Variants in KCNMB2 observed in about 807,000 individuals in gnomAD.
KCNMB2 encodes the protein potassium calcium-activated channel subfamily M regulatory beta subunit 2, also known as calcium-activated potassium channel subunit beta-2.
In KCNMB2, 9 loss-of-function variants were observed where a neutral mutation model predicts 24.5. That is an observed-to-expected ratio of 0.37 (90% CI 0.22 to 0.64). The LOEUF is 0.64. Ranked by LOEUF, KCNMB2 falls within the 30% of genes least tolerant of loss-of-function variation. The pLI, the probability that KCNMB2 is intolerant of heterozygous loss-of-function variation, is 0.63. For synonymous variants in KCNMB2, 109 were observed against 104.4 expected, an observed-to-expected ratio of 1.04 and a Z score of -0.27; for missense variants, 226 against 284.3, an observed-to-expected ratio of 0.79 and a Z score of 1.47.
intron 1 of KCNMB2, among the ~76,000 whole-genome samples, chr3:178,577,265 G>A (rs977593966): frequency 6.6e-6 from 1 of 152,186 alleles, no homozygotes; most frequent in Non-Finnish European, 1.5e-5. Context: ...CAGTAGACCT[G>A]CAGAAGAGGG....
intron 1 of KCNMB2, among the ~76,000 whole-genome samples, chr3:178,704,179 T>A (rs943760606): frequency 2.0e-5 from 3 of 152,126 alleles, no homozygotes; most frequent in African/African-American, 7.2e-5. Flanking sequence ...AAAATTGACA[T>A]GCCCTATGTT....
chr3:178,656,293 C>A (rs560955145), intron 1 of KCNMB2, among the ~76,000 whole-genome samples: 1 of 152,188 alleles, frequency 6.6e-6, no homozygotes, highest in Non-Finnish European at 1.5e-5. Context: ...CAGGAACAGG[C>A]AAGCTTTCTT....
chr3:178,610,943 G>A (rs1718460158), intron 1 of KCNMB2, among the ~76,000 whole-genome samples: 1 of 152,170 alleles, frequency 6.6e-6, no homozygotes, highest in Non-Finnish European at 1.5e-5. Flanking sequence ...ATCATGAAGT[G>A]ATGTTGAGGT....
chr3:178,759,772 G>A (rs1385077387), intron 1 of KCNMB2, among the ~76,000 whole-genome samples: 1 of 29,826 alleles, frequency 3.4e-5, no homozygotes, highest in East Asian at 8.2e-4. Context: ...ATATATCCAA[G>A]AGGATATATC....
chr3:178,789,389 T>C (rs1022945313), intron 1 of KCNMB2, among the ~76,000 whole-genome samples: 14 of 151,864 alleles, frequency 9.2e-5, no homozygotes, highest in African/African-American at 3.1e-4. Context: ...TTCCAAGCAA[T>C]AGGAACACTA....
rs561013988 is a variant in KCNMB2 at position 178,691,297 on chromosome 3, T to TG, written c.-67-116046_-67-116045insG. Among the ~76,000 whole-genome samples, 9 of 150,960 alleles carry TG rather than the reference T, an allele frequency of 6.0e-5. 1 individual carries two copies. Among genetic ancestry groups the TG allele is most frequent in the African/African-American group, 2.2e-4 (9 of 41,046 alleles). On this transcript the variant is annotated intron_variant, in intron 1 of 4. Coordinates refer to ENST00000452583, the MANE Select transcript of KCNMB2 (RefSeq NM_181361.3). ...AGTTCAGGAGTACATGTGCAGGTTT[T>TG]TTTTTTTTTTAACATAGATAAACTT... is the stretch of plus-strand genomic sequence containing the variant.
chr3:178,622,236 A>G (rs544318081), intron 1 of KCNMB2, among the ~76,000 whole-genome samples: 35 of 152,318 alleles, frequency 2.3e-4, no homozygotes, highest in African/African-American at 8.2e-4. Context: ...GTTTAACACT[A>G]TATCACAGGC....
intron 1 of KCNMB2, among the ~76,000 whole-genome samples, chr3:178,700,141 C>T (rs1722036129): frequency 6.6e-6 from 1 of 152,150 alleles, no homozygotes; most frequent in African/African-American, 2.4e-5. Flanking sequence ...CTCACTTTGC[C>T]TCTTTTAATT....
In KCNMB2 at chr3:178,758,047, T is replaced by C. The variant is rs1428386628; in HGVS notation, c.-67-49296T>C. On this transcript the variant is annotated intron_variant, in intron 1 of 4. Transcript: ENST00000452583. The stretch of plus-strand genomic sequence containing the variant: ...TAGAGGATATATATATATATCTAGA[T>C]ATATATATATATCTCCAAGAGGATA... Among the ~76,000 whole-genome samples the C allele has an allele frequency of 9.7e-5, 2 of 20,598 alleles. 1 individual carries two copies. The highest frequency in any genetic ancestry group is 4.6e-4 in the African/African-American group (2 of 4,316). The allele number at this position is 20,598 out of a possible 152,430, so 13.5% of individuals were successfully genotyped here.
At chr3:178,700,083 G>C (rs34593941) in intron 1 of KCNMB2, among the ~76,000 whole-genome samples, 30,789 of 152,176 alleles carry the variant, frequency 0.2, 3,856 homozygotes, top group African/African-American at 0.36. Flanking sequence ...ATCCAAGCCA[G>C]TATTACCAAG....
intron 1 of KCNMB2, among the ~76,000 whole-genome samples, chr3:178,697,800 G>C (rs1341470308): frequency 6.6e-6 from 1 of 152,076 alleles, no homozygotes. Flanking sequence ...AGGTCTTGTG[G>C]TAACAAATTC....
chr3:178,820,962 G>T (rs1050865971), intron 2 of KCNMB2, among the ~76,000 whole-genome samples: 1 of 152,122 alleles, frequency 6.6e-6, no homozygotes, highest in Non-Finnish European at 1.5e-5. Flanking sequence ...CTTAAATATG[G>T]TGCTTTGCCA....
rs563635974 is a variant in KCNMB2, at chr3:178,655,111, T to C, written c.-68+118400T>C. On this transcript the variant is annotated intron_variant, in intron 1 of 4. Coordinates refer to ENST00000452583, the MANE Select transcript of KCNMB2 (RefSeq NM_181361.3). ...TTAGCTCTCCCTCTCTCTCTCTCTC[T>C]CTCTCTCTCTCTCTCTCTCTCTCTC... Among the ~76,000 whole-genome samples, 1,155 of 147,674 alleles carry C rather than the reference T, an allele frequency of 7.8e-3. 11 individuals are homozygous for C. The highest frequency in any genetic ancestry group is 0.029 in the African/African-American group (1,112 of 38,310).
At chr3:178,813,542 C>T (rs1329312554) in intron 2 of KCNMB2, among the ~76,000 whole-genome samples, 1 of 152,066 alleles carries the variant, frequency 6.6e-6, no homozygotes, top group Admixed American at 6.6e-5. Flanking sequence ...TTTTGATTTC[C>T]CTATTTGTAT....
chr3:178,631,944 A>G (rs1410647063), intron 1 of KCNMB2, among the ~76,000 whole-genome samples: 1 of 152,234 alleles, frequency 6.6e-6, no homozygotes, highest in Admixed American at 6.5e-5. Flanking sequence ...GCCTTACTAG[A>G]AAATATTTTC....
chr3:178,567,200 T>C (rs1716557735), intron 1 of KCNMB2, among the ~76,000 whole-genome samples: 1 of 152,152 alleles, frequency 6.6e-6, no homozygotes, highest in African/African-American at 2.4e-5. Flanking sequence ...TGAATGTACA[T>C]GTAGATGAGA....
At chr3:178,738,804 A>C (rs1399838406) in intron 1 of KCNMB2, among the ~76,000 whole-genome samples, 1 of 152,164 alleles carries the variant, frequency 6.6e-6, no homozygotes, top group African/African-American at 2.4e-5. Context: ...GAGGGCGGAA[A>C]CTTTGTCTTT....
intron 1 of KCNMB2, among the ~76,000 whole-genome samples, chr3:178,658,577 G>A (rs1046524149): frequency 6.6e-6 from 1 of 152,020 alleles, no homozygotes; most frequent in Non-Finnish European, 1.5e-5. Context: ...TAAGATATCT[G>A]TGTCACACTC....
intron 1 of KCNMB2, among the ~76,000 whole-genome samples, chr3:178,794,240 G>C (rs541836541): frequency 6.6e-6 from 1 of 152,066 alleles, no homozygotes; most frequent in African/African-American, 2.4e-5. Flanking sequence ...CTGTAGCTTC[G>C]TGTTCCCCTA....
Sources: gnomAD v4.1 joint callset for allele counts (sites outside exome capture counted in the v4.1 genomes callset) on GRCh38, gnomAD v4.1.1 for gene constraint, MANE v1.5 for transcripts, NCBI Gene and HGNC (gene_info 2026-07-23, HGNC 2026-07-21) for gene names.